ATP10A: variants seen among roughly 807,000 people sequenced by gnomAD.
ATP10A encodes phospholipid-transporting ATPase VA.
A neutral mutation model predicts 147.8 loss-of-function variants in ATP10A; 111 were observed. The ratio of observed to expected loss-of-function variants is 0.75; its 90% CI spans 0.64 to 0.88. ATP10A has a LOEUF of 0.88. ATP10A is among the 40% of genes least tolerant of loss of function. The pLI is 0.00. For missense variants in ATP10A, 1,927 were observed against 1,959.0 expected (o/e 0.98, Z 0.31); for synonymous variants, 875 against 841.6 (o/e 1.04, Z -0.69).
rs138010933 is a variant in ATP10A, at chr15:25,718,201, G to A, written c.1562C>T (p.Thr521Met). The part of the protein sequence containing the change: ...AKRASMLSKH[T>M]AFSSPMEKDI... Reference sequence around the variant, plus strand: ...ACTCACCATGGGGCTGCTGAAGGCCGTGTGCTTGGACAGCATGCTGGCCCT... The same window carrying A: ...ACTCACCATGGGGCTGCTGAAGGCCATGTGCTTGGACAGCATGCTGGCCCT... The change falls in exon 8 of 21, where the codon ACG becomes ATG. Residue 521 changes from threonine (T) to methionine (M), a missense_variant. Thr to Met is a moderately conservative substitution (Grantham distance 81). Coordinates refer to ENST00000555815, the MANE Select transcript of ATP10A (RefSeq NM_024490.4). 3 of 1,612,834 alleles carry A rather than the reference G, an allele frequency of 1.9e-6. No individual in the cohort carries two copies. The highest frequency in any genetic ancestry group is 1.3e-5 in the African/African-American group (1 of 74,952).
chr15:25,689,128 T>C (rs28637309), intron 15 of ATP10A, among the ~76,000 whole-genome samples: 25,375 of 152,234 alleles, frequency 0.17, 2,306 homozygotes, highest in South Asian at 0.28. Context: ...CAAACCCCTC[T>C]GAGGACGCCT....
intron 1 of ATP10A, among the ~76,000 whole-genome samples, chr15:25,797,780 G>T (rs1371692588): frequency 6.6e-6 from 1 of 152,090 alleles, no homozygotes; most frequent in Admixed American, 6.5e-5. Context: ...GCCGCCCTGG[G>T]GGGTGAGGGT....
intron 13 of ATP10A, 59 bp from the exon 14 acceptor site, chr15:25,695,205 G>T: frequency 1.3e-6 from 2 of 1,496,040 alleles, no homozygotes; most frequent in Non-Finnish European, 1.8e-6. Context: ...AAACATCCCC[G>T]CCCTGGCTCA....
chr15:25,709,872 GT>G, intron 10 of ATP10A: 1 of 152,302 alleles, frequency 6.6e-6, no homozygotes, highest in African/African-American at 2.4e-5. Context: ...GCTTTGGAGG[GT>G]GGGGCCCTTG....
chr15:25,743,868 T>C (rs933280817), intron 2 of ATP10A, among the ~76,000 whole-genome samples: 3 of 152,126 alleles, frequency 2.0e-5, no homozygotes, highest in Non-Finnish European at 4.4e-5. Flanking sequence ...TGTGCGGGGA[T>C]TGAGTCTGTC....
In ATP10A at chr15:25,860,340, C is replaced by A. The variant is rs139347614; in HGVS notation, c.449+2308G>T. ...CTGGGACGCCTCGCCAGACATGGAG[C>A]CTGCATCCCGGGGCTGGGAGCCCCA... On this transcript the variant is annotated intron_variant, in intron 1 of 20. Coordinates refer to ENST00000555815, the MANE Select transcript of ATP10A (RefSeq NM_024490.4). 3.9e-5 allele frequency among the ~76,000 whole-genome samples: 6 copies of A among 152,186 alleles called. No homozygotes were observed. In the East Asian group the frequency reaches 1.2e-3, roughly 29 times the overall value.
Position 25,708,310 on chromosome 15 carries a change from A to G in ATP10A, c.2345-10T>C. The stretch of plus-strand genomic sequence containing the variant: ...CTCCCTCTGGCGTCAACTAGGTTGG[A>G]GAATAAGCAGAAACATGGGTAAGAA... On this transcript the variant is annotated splice_polypyrimidine_tract_variant and intron_variant, in intron 10 of 20. Transcript: ENST00000555815. 1 of 1,609,982 alleles carries G rather than the reference A, an allele frequency of 6.2e-7. No individual in the cohort carries two copies. Among genetic ancestry groups the G allele is most frequent in the Non-Finnish European group, 8.5e-7 (1 of 1,176,172 alleles).
chr15:25,836,948 TA>T (rs34851000), intron 1 of ATP10A, among the ~76,000 whole-genome samples: 1 of 152,044 alleles, frequency 6.6e-6, no homozygotes, highest in African/African-American at 2.4e-5. Flanking sequence ...TCTCTTTTCT[TA>T]AAAAAAATTA....
rs200589348 is a variant in ATP10A at position 25,680,226 on chromosome 15, G to A, written c.3761C>T (p.Thr1254Met). ...VALIYNASCA[T>M]CYPPSNPYWT... is the part of the protein sequence containing the mutation. ...GTAAGGGTTGGACGGAGGATAGCAC[G>A]TGGCACAAGACGCATTGTAAATCAA... is the stretch of plus-strand genomic sequence containing the variant. The change falls in exon 20 of 21, where the codon ACG becomes ATG. Residue 1254 changes from threonine (T) to methionine (M), a missense_variant. Physicochemically the swap from Thr to Met is moderately conservative, Grantham distance 81. Coordinates refer to ENST00000555815, the MANE Select transcript of ATP10A (RefSeq NM_024490.4). 3.7e-6 allele frequency: 6 copies of A among 1,614,134 alleles called. No individual in the cohort carries two copies. The highest frequency in any genetic ancestry group is 2.2e-5 in the East Asian group (1 of 44,874).
At chr15:25,723,182 C>A (rs1474061978) in intron 6 of ATP10A, among the ~76,000 whole-genome samples, 1 of 152,012 alleles carries the variant, frequency 6.6e-6, no homozygotes, top group African/African-American at 2.4e-5. Context: ...AACCCCATCT[C>A]TACCAAAAAT....
intron 1 of ATP10A, among the ~76,000 whole-genome samples, chr15:25,829,011 C>G (rs1892235339): frequency 6.6e-6 from 1 of 152,166 alleles, no homozygotes; most frequent in African/African-American, 2.4e-5. Flanking sequence ...AACGCTGGAA[C>G]ATGTGCGAGA....
intron 1 of ATP10A, among the ~76,000 whole-genome samples, chr15:25,838,054 T>A (rs1892666992): frequency 1.3e-5 from 2 of 152,238 alleles, no homozygotes. Context: ...TAGGGCATCC[T>A]GGGATTTCAA....
At chr15:25,705,456 AAAAAAAAAAAC>A (rs1313910813) in intron 12 of ATP10A, among the ~76,000 whole-genome samples, 149 of 5,850 alleles carry the variant, frequency 0.025, 1 homozygote, top group Non-Finnish European at 0.049. Context: ...AAAAAAAACA[AAAAAAAAAAAC>A]AAAAAAAATC....
At chr15:25,845,855 C>T (rs1893004704) in intron 1 of ATP10A, among the ~76,000 whole-genome samples, 1 of 152,206 alleles carries the variant, frequency 6.6e-6, no homozygotes, top group African/African-American at 2.4e-5. Flanking sequence ...ACACTGGTAC[C>T]CCCATGTTCA....
intron 1 of ATP10A, among the ~76,000 whole-genome samples, chr15:25,831,344 C>T (rs1452330920): frequency 6.6e-6 from 1 of 152,242 alleles, no homozygotes; most frequent in Non-Finnish European, 1.5e-5. Context: ...ATGCTGGACT[C>T]ACCCATGTGG....
At chr15:25,730,828 A>C (rs1416667293) in intron 3 of ATP10A, among the ~76,000 whole-genome samples, 1 of 152,222 alleles carries the variant, frequency 6.6e-6, no homozygotes, top group Non-Finnish European at 1.5e-5. Context: ...CATATCTAAC[A>C]AAAGTAAGTG....
intron 2 of ATP10A, among the ~76,000 whole-genome samples, chr15:25,762,946 G>A (rs74003884): frequency 0.041 from 6,241 of 152,150 alleles, 355 homozygotes; most frequent in African/African-American, 0.13. Flanking sequence ...AAAAACGAAA[G>A]GGCAGCTAAA....
At chr15:25,789,329 C>T (rs141446459) in intron 1 of ATP10A, among the ~76,000 whole-genome samples, 123 of 152,182 alleles carry the variant, frequency 8.1e-4, no homozygotes, top group Non-Finnish European at 1.5e-3. Flanking sequence ...TAGATTGAGG[C>T]CTCCCAAGTG....
At chr15:25,707,521 G>A (rs922261499) in intron 12 of ATP10A, among the ~76,000 whole-genome samples, 1 of 152,200 alleles carries the variant, frequency 6.6e-6, no homozygotes, top group Non-Finnish European at 1.5e-5. Context: ...TAAGTACCAA[G>A]ATGAACACAG....
Sources: gnomAD v4.1 joint callset for allele counts (sites outside exome capture counted in the v4.1 genomes callset) on GRCh38, gnomAD v4.1.1 for gene constraint, MANE v1.5 for transcripts, NCBI Gene and HGNC (gene_info 2026-07-23, HGNC 2026-07-21) for gene names.